SCAND3: variants seen among roughly 807,000 people sequenced by gnomAD.
SCAND3 encodes the protein SCAN domain-containing protein 3.
the SCAND3 span, among the ~76,000 whole-genome samples, chr6:28,596,636 C>T: frequency 6.6e-6 from 1 of 151,844 alleles, no homozygotes; most frequent in Non-Finnish European, 1.5e-5. Context: ...ATTTTTTTCT[C>T]CCAAGGCCCA....
the SCAND3 span, among the ~76,000 whole-genome samples, chr6:28,615,537 T>TG: frequency 7.0e-6 from 1 of 141,904 alleles, no homozygotes; most frequent in African/African-American, 2.7e-5. Context: ...CACTTGTACG[T>TG]GGGAAGTGAG....
the SCAND3 span, among the ~76,000 whole-genome samples, chr6:28,577,363 T>C: frequency 1.3e-5 from 2 of 152,330 alleles, no homozygotes; most frequent in Admixed American, 6.5e-5. Flanking sequence ...ATTTATACTA[T>C]CAATTTGCAT....
chr6:28,578,065 C>G, the SCAND3 span, among the ~76,000 whole-genome samples: 1 of 152,178 alleles, frequency 6.6e-6, no homozygotes, highest in Non-Finnish European at 1.5e-5. Flanking sequence ...TAAATGCCCT[C>G]TTTTCTCCTG....
the SCAND3 span, among the ~76,000 whole-genome samples, chr6:28,595,649 G>A: frequency 6.6e-6 from 1 of 151,872 alleles, no homozygotes; most frequent in Admixed American, 6.6e-5. Flanking sequence ...ATGAACCCAG[G>A]AGGTGGAGGC....
chr6:28,572,589 G>A, the SCAND3 span: 1 of 1,614,030 alleles, frequency 6.2e-7, no homozygotes, highest in East Asian at 2.2e-5. The surrounding 1 kb of genome is among the most constrained non-coding windows in gnomAD (Gnocchi z 4.1). Flanking sequence ...AAGCAAGTCT[G>A]GCTGTCCAAT....
chr6:28,580,299 C>T, the SCAND3 span, among the ~76,000 whole-genome samples: 1 of 152,058 alleles, frequency 6.6e-6, no homozygotes, highest in Non-Finnish European at 1.5e-5. Flanking sequence ...ACTAAAAACA[C>T]AAAAATTAGC....
At chr6:28,595,615 G>A in the SCAND3 span, among the ~76,000 whole-genome samples, 3 of 151,856 alleles carry the variant, frequency 2.0e-5, no homozygotes, top group Non-Finnish European at 2.9e-5. Flanking sequence ...CCCACTACTC[G>A]GGAGGCTGAG....
chr6:28,584,574 T>C, the SCAND3 span, among the ~76,000 whole-genome samples: 2 of 152,196 alleles, frequency 1.3e-5, no homozygotes, highest in African/African-American at 4.8e-5. Flanking sequence ...AGTTGATCCT[T>C]TGTAGCCTTA....
the SCAND3 span, chr6:28,572,652 T>G: frequency 6.2e-7 from 1 of 1,614,076 alleles, no homozygotes; most frequent in Non-Finnish European, 8.5e-7. This position sits in a 1 kb window ranked among gnomAD's most constrained non-coding sequence, Gnocchi z 4.1. Context: ...GCAGAAACAC[T>G]AAGAGTTCAT....
chr6:28,573,556 C>T, the SCAND3 span: 5,262 of 1,613,184 alleles, frequency 3.3e-3, 16 homozygotes, highest in Non-Finnish European at 4.1e-3. Context: ...ATATAAATGT[C>T]GCTTAAGTTT....
chr6:28,572,654 A>C, the SCAND3 span: 5 of 1,613,972 alleles, frequency 3.1e-6, no homozygotes, highest in Non-Finnish European at 4.2e-6. The surrounding 1 kb of genome is among the most constrained non-coding windows in gnomAD (Gnocchi z 4.1). Flanking sequence ...AGAAACACTA[A>C]GAGTTCATTT....
At chr6:28,594,924 G>A in the SCAND3 span, among the ~76,000 whole-genome samples, 20 of 152,120 alleles carry the variant, frequency 1.3e-4, no homozygotes, top group South Asian at 3.5e-3. Flanking sequence ...GTTAGTCAAA[G>A]TAGTACAAAG....
the SCAND3 span, chr6:28,572,712 T>C: frequency 6.2e-7 from 1 of 1,614,162 alleles, no homozygotes; most frequent in Non-Finnish European, 8.5e-7. This position sits in a 1 kb window ranked among gnomAD's most constrained non-coding sequence, Gnocchi z 4.1. Flanking sequence ...ATAACCACCG[T>C]ATCTCAGCAT....
At chr6:28,613,262 CAAGTAGAGAG>C in the SCAND3 span, among the ~76,000 whole-genome samples, 6 of 152,146 alleles carry the variant, frequency 3.9e-5, no homozygotes, top group African/African-American at 1.4e-4. Context: ...ACTCAACGAA[CAAGTAGAGAG>C]CACACTGTTC....
At chr6:28,609,595 T>C in the SCAND3 span, among the ~76,000 whole-genome samples, 3 of 152,164 alleles carry the variant, frequency 2.0e-5, no homozygotes, top group South Asian at 4.1e-4. Flanking sequence ...CAGGTCACAA[T>C]TGGCAATGGC....
At chr6:28,584,210 A>C in the SCAND3 span, among the ~76,000 whole-genome samples, 1 of 152,204 alleles carries the variant, frequency 6.6e-6, no homozygotes, top group Non-Finnish European at 1.5e-5. Flanking sequence ...TTGCAATCAC[A>C]CCATGATTAA....
At chr6:28,602,526 C>A in the SCAND3 span, among the ~76,000 whole-genome samples, 1 of 152,148 alleles carries the variant, frequency 6.6e-6, no homozygotes, top group African/African-American at 2.4e-5. Flanking sequence ...CCTAAATCTT[C>A]CTAATAATTT....
the SCAND3 span, among the ~76,000 whole-genome samples, chr6:28,613,931 C>T: frequency 5.3e-5 from 8 of 152,048 alleles, no homozygotes; most frequent in Admixed American, 4.6e-4. Flanking sequence ...ATACCACTCA[C>T]AGGGGCGGTT....
the SCAND3 span, among the ~76,000 whole-genome samples, chr6:28,603,025 C>T: frequency 1.3e-4 from 18 of 140,182 alleles, no homozygotes; most frequent in Non-Finnish European, 2.4e-4. Flanking sequence ...TGCAGTGGCG[C>T]GATCTCGGCT....
Sources: gnomAD v4.1 joint callset for allele counts (sites outside exome capture counted in the v4.1 genomes callset) on GRCh38, gnomAD v4.1.1 for gene constraint, Gnocchi (gnomAD v3.1) non-coding constraint, MANE v1.5 for transcripts, NCBI Gene and HGNC (gene_info 2026-07-23, HGNC 2026-07-21) for gene names.